The following NTRK2 variants were observed in gnomAD, a reference collection of about 807,000 sequenced individuals.
NTRK2 encodes the protein neurotrophic receptor tyrosine kinase 2, also known as BDNF/NT-3 growth factors receptor.
A neutral mutation model predicts 94.5 loss-of-function variants in NTRK2; 13 were observed. The ratio of observed to expected loss-of-function variants is 0.14; its 90% CI spans 0.09 to 0.22. The LOEUF (loss-of-function observed/expected upper bound fraction) is 0.22. Ranked by LOEUF, NTRK2 falls within the 10% of genes least tolerant of loss-of-function variation. The probability of loss-of-function intolerance (pLI) is 1.00; values close to 1 mark genes in which losing one functional copy is unlikely to be tolerated. For missense variants in NTRK2, 639 were observed against 1,071.2 expected (o/e 0.60, Z 5.63); for synonymous variants, 372 against 407.4 (o/e 0.91, Z 1.05).
At chr9:84,971,485 G>A (rs1043523595) in intron 17 of NTRK2, among the ~76,000 whole-genome samples, 9 of 152,168 alleles carry the variant, frequency 5.9e-5, no homozygotes, top group Non-Finnish European at 2.9e-5. Flanking sequence ...TTGAGCCCTG[G>A]GCTCCTTCCC....
At chr9:84,803,421 G>A (rs376899970) in intron 12 of NTRK2, among the ~76,000 whole-genome samples, 134 of 152,340 alleles carry the variant, frequency 8.8e-4, no homozygotes, top group African/African-American at 3.0e-3. Flanking sequence ...CTGCAGCAGC[G>A]TCAGAAGCAG....
intron 14 of NTRK2, among the ~76,000 whole-genome samples, chr9:84,897,098 G>A (rs558605550): frequency 7.9e-5 from 12 of 152,234 alleles, no homozygotes; most frequent in African/African-American, 2.9e-4. Flanking sequence ...CTGGCAAATG[G>A]AGGGGCTAAG....
chr9:85,025,804 C>T lies in NTRK2; in HGVS notation c.*4367C>T, dbSNP rs956247855. ...GCTAGTGACCCAACTCTCCAAATGT[C>T]TAAGTTAGTAGTTACAGCTGATTTT... On this transcript the variant is annotated 3_prime_UTR_variant, in exon 19 of 19. Transcript: ENST00000277120. The T allele has an allele frequency of 4.3e-6, 1 of 232,516 alleles. No individual in the cohort carries two copies. Among genetic ancestry groups the T allele is most frequent in the South Asian group, 1.8e-4 (1 of 5,520 alleles). 14.4% of individuals were successfully genotyped at this position (232,516 alleles called of 1,614,324 possible). A position where few individuals can be genotyped will look rare whatever the true frequency, so the allele number is the denominator to read the frequency against.
chr9:84,750,946 A>G (rs1046942096), intron 11 of NTRK2, among the ~76,000 whole-genome samples: 1 of 152,218 alleles, frequency 6.6e-6, no homozygotes, highest in African/African-American at 2.4e-5. Flanking sequence ...CTGGGATGGG[A>G]GAGGATTCAC....
chr9:84,702,025 A>G (rs975667336), intron 2 of NTRK2, 134 bp from the exon 3 acceptor site: 20 of 761,968 alleles, frequency 2.6e-5, no homozygotes, highest in Non-Finnish European at 3.7e-5. Flanking sequence ...CTACTGCTGT[A>G]TTTAAAAAAA....
intron 12 of NTRK2, among the ~76,000 whole-genome samples, chr9:84,765,402 T>C (rs1329107984): frequency 6.6e-6 from 1 of 152,176 alleles, no homozygotes; most frequent in Non-Finnish European, 1.5e-5. Context: ...CTTTCAGGAT[T>C]CCCTTTTGCA....
intron 14 of NTRK2, among the ~76,000 whole-genome samples, chr9:84,926,670 T>G (rs1041997737): frequency 1.3e-5 from 2 of 152,214 alleles, no homozygotes; most frequent in African/African-American, 4.8e-5. Flanking sequence ...TCTTAAGTGT[T>G]CTCTTTCTCA....
chr9:84,812,062 T>A, intron 12 of NTRK2: 1 of 1,060,354 alleles, frequency 9.4e-7, no homozygotes. Context: ...AAAAATTTAT[T>A]TTTTTTGGAA....
intron 14 of NTRK2, among the ~76,000 whole-genome samples, chr9:84,869,568 T>A (rs1329749629): frequency 6.6e-6 from 1 of 152,166 alleles, no homozygotes; most frequent in Non-Finnish European, 1.5e-5. Context: ...TCATAATTTT[T>A]TTTCCTTTAT....
At chr9:84,760,895 G>T (rs149563383) in intron 12 of NTRK2, among the ~76,000 whole-genome samples, 24 of 152,240 alleles carry the variant, frequency 1.6e-4, no homozygotes, top group Non-Finnish European at 3.2e-4. Context: ...TAAAAAATAG[G>T]CCTTAATTCT....
chr9:84,992,425 G>C (rs1829203488), intron 17 of NTRK2, among the ~76,000 whole-genome samples: 1 of 151,962 alleles, frequency 6.6e-6, no homozygotes, highest in Non-Finnish European at 1.5e-5. Context: ...GAGTGTTCCT[G>C]GTCCCCAGCC....
chr9:84,948,899 G>C (rs1386898483), intron 16 of NTRK2, among the ~76,000 whole-genome samples: 2 of 152,150 alleles, frequency 1.3e-5, no homozygotes, highest in Non-Finnish European at 2.9e-5. Context: ...TACATGGAGT[G>C]GTATGTGACA....
At position 84,955,302 on chromosome 9, in the gene NTRK2, G is replaced by T; in HGVS notation, c.1957G>T (p.Val653Leu). Residue 653 changes from valine to leucine, a missense_variant, in exon 17 of 19, where the codon GTG (valine) becomes TTG (leucine). By Grantham distance (32) the Val-to-Leu change is conservative (BLOSUM62 1). Around this residue, in one of 5 missense-constraint regions of NTRK2, gnomAD observed 343 missense variants for 571.5 expected, o/e 0.60. Transcript: ENST00000277120. ...KFLRAHGPDAVLMAEGNPPTE... is the reference protein window; with the variant it reads ...KFLRAHGPDALLMAEGNPPTE... ...CCCCAGGGCACACGGCCCTGATGCC[G>T]TGCTGATGGCTGAGGGCAACCCGCC... 6.2e-7 allele frequency: 1 copy of T among 1,606,356 alleles called. No homozygotes were observed. Among genetic ancestry groups the T allele is most frequent in the Non-Finnish European group, 8.5e-7 (1 of 1,176,276 alleles).
chr9:84,891,789 T>C (rs1364894090), intron 14 of NTRK2, among the ~76,000 whole-genome samples: 1 of 152,200 alleles, frequency 6.6e-6, no homozygotes, highest in African/African-American at 2.4e-5. Flanking sequence ...AATTAAGTTA[T>C]AAATTAGAAC....
chr9:84,786,380 T>G (rs2068112139), intron 12 of NTRK2, among the ~76,000 whole-genome samples: 1 of 152,122 alleles, frequency 6.6e-6, no homozygotes, highest in African/African-American at 2.4e-5. Flanking sequence ...GCCTCACCTG[T>G]GTGTAGGGGG....
Position 85,022,140 on chromosome 9 carries a change from G to A in NTRK2, c.*703G>A, listed in dbSNP as rs1832815334. ...TATGGGAGGAACAAAGACAACCACT[G>A]GGATCAGCTGGTGTCAGTCCCTACT... On this transcript the variant is annotated 3_prime_UTR_variant, in exon 19 of 19. Coordinates refer to ENST00000277120, the MANE Select transcript of NTRK2 (RefSeq NM_006180.6). The A allele has an allele frequency of 4.3e-6, 1 of 233,270 alleles. No individual in the cohort carries two copies. Among genetic ancestry groups the A allele is most frequent in the African/African-American group, 2.2e-5 (1 of 45,362 alleles). 14.5% of individuals were successfully genotyped at this position (233,270 alleles called of 1,614,324 possible). A position where few individuals can be genotyped will look rare whatever the true frequency, so the allele number is the denominator to read the frequency against.
At chr9:84,828,996 GTTGT>G (rs372253414) in intron 12 of NTRK2, among the ~76,000 whole-genome samples, 3 of 130,078 alleles carry the variant, frequency 2.3e-5, no homozygotes, top group East Asian at 2.0e-4. Context: ...TTTTTTTTTT[GTTGT>G]TTGTTTGTTT....
At chr9:84,959,499 C>T (rs1326537215) in intron 17 of NTRK2, among the ~76,000 whole-genome samples, 10 of 152,108 alleles carry the variant, frequency 6.6e-5, no homozygotes, top group Non-Finnish European at 7.4e-5. Context: ...GCAGGAGGGG[C>T]GGGTGGCAGC....
intron 12 of NTRK2, among the ~76,000 whole-genome samples, chr9:84,784,186 C>A (rs2067896133): frequency 6.6e-6 from 1 of 151,974 alleles, no homozygotes; most frequent in Admixed American, 6.6e-5. Flanking sequence ...GTATGACCTC[C>A]AATAGTCTCA....
Sources: gnomAD v4.1 joint callset for allele counts (sites outside exome capture counted in the v4.1 genomes callset) on GRCh38, gnomAD v4.1.1 for gene constraint, gnomAD v4.1.1 regional missense constraint, MANE v1.5 for transcripts, NCBI Gene and HGNC (gene_info 2026-07-23, HGNC 2026-07-21) for gene names.